WDR70: variants seen among roughly 807,000 people sequenced by gnomAD.
WDR70 encodes the protein WD repeat domain 70, also known as WD repeat-containing protein 70.
A neutral mutation model predicts 88.6 loss-of-function variants in WDR70; 53 were observed. The ratio of observed to expected loss-of-function variants is 0.60; its 90% CI spans 0.48 to 0.75. WDR70 has a LOEUF of 0.75. Ranked by LOEUF, WDR70 falls within the 30% of genes least tolerant of loss-of-function variation. The probability of loss-of-function intolerance (pLI) is 0.00; values close to 1 mark genes in which losing one functional copy is unlikely to be tolerated. For missense variants in WDR70, 610 were observed against 823.2 expected (o/e 0.74, Z 3.17); for synonymous variants, 280 against 270.0 (o/e 1.04, Z -0.36).
intron 10 of WDR70, among the ~76,000 whole-genome samples, chr5:37,671,710 A>C (rs1034558044): frequency 2.0e-5 from 3 of 152,188 alleles, no homozygotes; most frequent in Admixed American, 6.5e-5. Context: ...GATACACTAG[A>C]GTAATAGGCA....
intron 10 of WDR70, among the ~76,000 whole-genome samples, chr5:37,675,347 T>C (rs1289687689): frequency 6.6e-6 from 1 of 152,164 alleles, no homozygotes; most frequent in Non-Finnish European, 1.5e-5. Context: ...GGTTTTCTTC[T>C]AGGGTTTTTA....
chr5:37,579,017 C>A (rs1743136023), intron 9 of WDR70, among the ~76,000 whole-genome samples: 1 of 152,162 alleles, frequency 6.6e-6, no homozygotes. Flanking sequence ...TTCAAACTGT[C>A]TGTTCCTTGA....
chr5:37,557,959 T>TTTGAAAACTCTTCC, intron 9 of WDR70, among the ~76,000 whole-genome samples: 1 of 146,506 alleles, frequency 6.8e-6, no homozygotes, highest in African/African-American at 2.5e-5. Context: ...AAAAGAGTAT[T>TTTGAAAACTCTTCC]ATGTATATTT....
intron 7 of WDR70, among the ~76,000 whole-genome samples, chr5:37,457,153 T>C (rs1738867089): frequency 6.6e-6 from 1 of 152,142 alleles, no homozygotes; most frequent in Non-Finnish European, 1.5e-5. Flanking sequence ...TGGAGTGCGG[T>C]GGCGCAATCT....
At chr5:37,450,464 C>A (rs1372275591) in intron 7 of WDR70, among the ~76,000 whole-genome samples, 1 of 152,138 alleles carries the variant, frequency 6.6e-6, no homozygotes, top group African/African-American at 2.4e-5. Context: ...ACCTGAACAC[C>A]AGTTCATACT....
rs1747803412 is a variant in WDR70 at position 37,721,197 on chromosome 5, A to C, written c.1499A>C (p.Asp500Ala). The C allele has an allele frequency of 6.2e-7, 1 of 1,613,378 alleles. No homozygotes were observed. Among genetic ancestry groups the C allele is most frequent in the African/African-American group, 1.3e-5 (1 of 74,832 alleles). ...TGNGLAKVYY[D>A]PNKSQRGAKL... ...AATGGATTGGCTAAAGTCTATTACG[A>C]CCCCAACAAGAGTCAGAGGTATTTC... Residue 500 changes from aspartate (D) to alanine (A), a missense_variant, in exon 14 of 18, where the codon GAC (aspartate) becomes GCC (alanine). Coordinates refer to ENST00000265107, the MANE Select transcript of WDR70 (RefSeq NM_018034.4).
At chr5:37,420,573 A>G (rs1231691730) in intron 5 of WDR70, among the ~76,000 whole-genome samples, 1 of 152,106 alleles carries the variant, frequency 6.6e-6, no homozygotes, top group Non-Finnish European at 1.5e-5. Context: ...CTGAGCAGCT[A>G]GGAACAAAGG....
intron 7 of WDR70, among the ~76,000 whole-genome samples, chr5:37,456,667 A>T (rs1212924619): frequency 6.6e-6 from 1 of 152,180 alleles, no homozygotes; most frequent in Non-Finnish European, 1.5e-5. Flanking sequence ...CTTTCATTTT[A>T]TATTTTTATA....
rs780835202 is a variant in WDR70 at position 37,699,398 on chromosome 5, T to TACACACACACACACACACAC, written c.1192+1645_1192+1646insCACACACACACACACACACA. 1.1e-4 allele frequency among the ~76,000 whole-genome samples: 8 copies of TACACACACACACACACACAC among 74,092 alleles called. No individual in the cohort carries two copies. The South Asian group carries it at 1.7e-3, about 16-fold the overall frequency. The allele number at this position is 74,092 out of a possible 152,430, so 48.6% of individuals were successfully genotyped here. ...GTATATATATGTATGTGTGTATATA[T>TACACACACACACACACACAC]ATATACACACACACACACACACACA... On this transcript the variant is annotated intron_variant, in intron 11 of 17. Coordinates refer to ENST00000265107, the MANE Select transcript of WDR70 (RefSeq NM_018034.4).
chr5:37,415,921 G>A (rs1013613681), intron 5 of WDR70, among the ~76,000 whole-genome samples: 1 of 151,800 alleles, frequency 6.6e-6, no homozygotes, highest in Admixed American at 6.6e-5. Flanking sequence ...TGGGCCGCCG[G>A]GCAGAGACGC....
chr5:37,609,395 G>A (rs1744124166), intron 10 of WDR70, among the ~76,000 whole-genome samples: 1 of 152,148 alleles, frequency 6.6e-6, no homozygotes, highest in Non-Finnish European at 1.5e-5. Context: ...TTTGCACAAA[G>A]CACTGTTGCT....
intron 10 of WDR70, among the ~76,000 whole-genome samples, chr5:37,684,762 A>C (rs1746531482): frequency 1.3e-5 from 2 of 152,230 alleles, no homozygotes; most frequent in African/African-American, 2.4e-5. Context: ...TGGTGGCAGC[A>C]GGATCCATCC....
chr5:37,649,733 CTT>C (rs70978834), intron 10 of WDR70, among the ~76,000 whole-genome samples: 1,456 of 68,738 alleles, frequency 0.021, 14 homozygotes, highest in African/African-American at 0.072. Flanking sequence ...GTTATTACTT[CTT>C]TTTTTTTTTT....
chr5:37,467,249 A>G (rs932209460), intron 7 of WDR70, among the ~76,000 whole-genome samples: 1 of 151,628 alleles, frequency 6.6e-6, no homozygotes, highest in African/African-American at 2.4e-5. Flanking sequence ...ACAAAAAAAG[A>G]AAAAACAAGA....
intron 9 of WDR70, among the ~76,000 whole-genome samples, chr5:37,561,781 A>G (rs1468656596): frequency 2.0e-5 from 3 of 152,214 alleles, no homozygotes; most frequent in African/African-American, 7.2e-5. Context: ...TTAGTAGTAA[A>G]TTAGAAAGGT....
chr5:37,388,905 A>G (rs992902268), intron 3 of WDR70, among the ~76,000 whole-genome samples: 6 of 151,944 alleles, frequency 3.9e-5, no homozygotes, highest in African/African-American at 1.4e-4. Flanking sequence ...AAATAATAGT[A>G]AAAAAGGGGG....
chr5:37,603,003 C>T (rs1217904727), intron 9 of WDR70, among the ~76,000 whole-genome samples: 1 of 151,854 alleles, frequency 6.6e-6, no homozygotes, highest in African/African-American at 2.4e-5. Context: ...TAAAAGGACA[C>T]AAATAAATGG....
At chr5:37,699,937 ACT>A (rs1252603000) in intron 11 of WDR70, among the ~76,000 whole-genome samples, 3 of 150,746 alleles carry the variant, frequency 2.0e-5, no homozygotes, top group Non-Finnish European at 4.4e-5. Flanking sequence ...ACAGAGCAAG[ACT>A]CTGTCTCAAA....
chr5:37,628,358 A>G (rs2112519362), intron 10 of WDR70, among the ~76,000 whole-genome samples: 1 of 152,302 alleles, frequency 6.6e-6, no homozygotes. Flanking sequence ...TTCTCCCTTT[A>G]GATCTAATAA....
Sources: gnomAD v4.1 joint callset for allele counts (sites outside exome capture counted in the v4.1 genomes callset) on GRCh38, gnomAD v4.1.1 for gene constraint, MANE v1.5 for transcripts, NCBI Gene and HGNC (gene_info 2026-07-23, HGNC 2026-07-21) for gene names.